MDN1: variants seen among roughly 807,000 people sequenced by gnomAD.
MDN1 encodes the protein midasin AAA ATPase 1, also known as midasin.
A neutral mutation model predicts 669.2 loss-of-function variants in MDN1; 266 were observed. That is an observed-to-expected ratio of 0.40 (90% CI 0.36 to 0.44). MDN1 has a LOEUF of 0.44. Ranked by LOEUF, MDN1 falls within the 20% of genes least tolerant of loss-of-function variation. MDN1 has a pLI of 1.00. For synonymous variants in MDN1, 2,385 were observed against 2,457.1 expected (o/e 0.97, Z 0.87); for missense variants, 5,940 against 6,754.0 (o/e 0.88, Z 4.22).
chr6:89,703,222 G>A (rs1051013581), intron 53 of MDN1, among the ~76,000 whole-genome samples: 3 of 152,140 alleles, frequency 2.0e-5, no homozygotes, highest in African/African-American at 4.8e-5. Context: ...ATAGGCATGA[G>A]CCACTGTGCC....
chr6:89,675,365 G>C, intron 78 of MDN1, 99 bp downstream of exon 78: 1 of 958,294 alleles, frequency 1.0e-6, no homozygotes, highest in Non-Finnish European at 1.6e-6. Flanking sequence ...TCACAATTGA[G>C]AGCATGTCTT....
rs574974464 is a variant in MDN1, at chr6:89,762,589, A to T, written c.2145-59T>A. 11 of 1,299,782 alleles carry T rather than the reference A, an allele frequency of 8.5e-6. No individual in the cohort carries two copies. In the South Asian group the frequency reaches 1.5e-4, roughly 18 times the overall value. 80.5% of individuals were successfully genotyped at this position (1,299,782 alleles called of 1,614,324 possible). On this transcript the variant is annotated intron_variant, in intron 15 of 101. Coordinates refer to ENST00000369393, the MANE Select transcript of MDN1 (RefSeq NM_014611.3). The stretch of plus-strand genomic sequence containing the variant: ...CTTCTGAAGTTAACAGAAGTTAGAA[A>T]GCATGGCTCAGAAAACAGGAGTAGG...
In MDN1 at chr6:89,793,928, T is replaced by G; in HGVS notation, c.689A>C (p.Asp230Ala). Residue 230 changes from aspartate (D) to alanine (A), a missense_variant, in exon 5 of 102, where the codon GAC (aspartate) becomes GCC (alanine). Coordinates refer to ENST00000369393, the MANE Select transcript of MDN1 (RefSeq NM_014611.3). The part of the protein sequence containing the change: ...LRLLEEAQLQ[D>A]LEKALVLANP... ...GGCCAAAACCAAGGCCTTCTCCAAGTCCTGCAACTGGGCCTCTTCTAATAA... is the reference window on the plus strand; with the variant it reads ...GGCCAAAACCAAGGCCTTCTCCAAGGCCTGCAACTGGGCCTCTTCTAATAA... 1 of 1,613,606 alleles carries G rather than the reference T, an allele frequency of 6.2e-7. No individual in the cohort carries two copies. Among genetic ancestry groups the G allele is most frequent in the South Asian group, 1.1e-5 (1 of 91,070 alleles).
chr6:89,789,182 G>A (rs1056620919), intron 7 of MDN1, among the ~76,000 whole-genome samples: 4 of 151,938 alleles, frequency 2.6e-5, no homozygotes, highest in Non-Finnish European at 5.9e-5. Context: ...CTGTCCAAAG[G>A]AAGAATATTT....
chr6:89,686,907 T>C lies in MDN1; in HGVS notation c.11567A>G (p.Gln3856Arg). Residue 3856 changes from glutamine to arginine, a missense_variant, in exon 69 of 102, where the codon CAG becomes CGG. Coordinates refer to ENST00000369393, the MANE Select transcript of MDN1 (RefSeq NM_014611.3). ...AATGTACTGCTAGGCATTACCTTCC[T>C]GTTCTTCTGTTTGTTCCTGCATGTG... The part of the protein sequence containing the change: ...EKHMQEQTEE[Q>R]EDDKQMTLML... 4 of 1,613,940 alleles carry C rather than the reference T, an allele frequency of 2.5e-6. No individual in the cohort carries two copies. The highest frequency in any genetic ancestry group is 3.4e-6 in the Non-Finnish European group (4 of 1,179,968).
In MDN1 at chr6:89,790,314, G is replaced by A. The variant is rs1819186887; in HGVS notation, c.943C>T (p.Leu315=). The A allele has an allele frequency of 6.2e-7, 1 of 1,614,086 alleles. No homozygotes were observed. The highest frequency in any genetic ancestry group is 1.3e-5 in the African/African-American group (1 of 75,008). ...TTCTGAGAAGCAACCGCCATAGCCA[G>A]GGTCTGAAGACTTTTGCAGACAGAC... is the stretch of plus-strand genomic sequence containing the variant. ...VESVCKSLQT[L]AMAVASQNAV... The change falls in exon 6 of 102, where the codon CTG becomes TTG. Residue 315 remains leucine, a synonymous_variant. Transcript: ENST00000369393.
Position 89,692,875 on chromosome 6 carries a change from C to G in MDN1, c.10155G>C (p.Arg3385=). Residue 3385 remains arginine (R), a synonymous_variant, in exon 63 of 102, where the codon CGG becomes CGC. Transcript: ENST00000369393. The part of the protein sequence containing the change: ...WQQSHHQFRK[R]LSEEYTFYPD... ...GATAGAAGGTGTACTCCTCTGACAG[C>G]CGCTTCCGGAACTGGTGGTGTGACT... 6.2e-7 allele frequency: 1 copy of G among 1,614,230 alleles called. No homozygotes were observed. The highest frequency in any genetic ancestry group is 8.5e-7 in the Non-Finnish European group (1 of 1,180,040).
intron 11 of MDN1, among the ~76,000 whole-genome samples, chr6:89,778,147 C>T (rs1818444821): frequency 1.3e-5 from 2 of 150,592 alleles, no homozygotes; most frequent in Non-Finnish European, 1.5e-5. Flanking sequence ...TATTTTTGTC[C>T]TGACAGTTGA....
At chr6:89,712,015 A>G in intron 49 of MDN1, 21 bp downstream of exon 49, 1 of 1,590,096 alleles carries the variant, frequency 6.3e-7, no homozygotes, top group South Asian at 1.1e-5. Flanking sequence ...ATCAGTGGAC[A>G]AATTAAGCTG....
intron 34 of MDN1, among the ~76,000 whole-genome samples, chr6:89,732,144 A>C (rs1055597820): frequency 6.6e-6 from 1 of 152,132 alleles, no homozygotes; most frequent in Non-Finnish European, 1.5e-5. Context: ...TGGCCAAAAA[A>C]ACACCCCTCT....
rs368335252 is a variant in MDN1 at position 89,723,529 on chromosome 6, C to T, written c.5761G>A (p.Val1921Ile). 6.3e-5 allele frequency: 99 copies of T among 1,573,836 alleles called. No individual in the cohort carries two copies. The highest frequency in any genetic ancestry group is 8.3e-5 in the Non-Finnish European group (96 of 1,151,400). ...GTACTTACTTGGTTATTGAAAGCAACCATTTTCTTAACAATATTTTTCTCA... is the reference window on the plus strand; with the variant it reads ...GTACTTACTTGGTTATTGAAAGCAATCATTTTCTTAACAATATTTTTCTCA... The part of the protein sequence containing the change: ...AIEKNIVKKM[V>I]AFNNQIDHEV... The change falls in exon 39 of 102, where the codon GTT becomes ATT. Residue 1921 changes from valine (V) to isoleucine (I), a missense_variant. Val to Ile is a conservative substitution (Grantham distance 29, BLOSUM62 3). Transcript: ENST00000369393.
intron 36 of MDN1, 140 bp downstream of exon 36, chr6:89,728,791 T>C: frequency 3.3e-6 from 3 of 911,212 alleles, no homozygotes; most frequent in Non-Finnish European, 4.9e-6. Flanking sequence ...AGACTCTGTC[T>C]CAAAAAAACA....
intron 33 of MDN1, 26 bp downstream of exon 33, chr6:89,738,300 T>C (rs1562162317): frequency 1.2e-6 from 2 of 1,611,908 alleles, no homozygotes; most frequent in Non-Finnish European, 1.7e-6. Flanking sequence ...GACCCAATAC[T>C]ACCATCACCA....
chr6:89,799,475 G>C (rs1767490083), intron 2 of MDN1, among the ~76,000 whole-genome samples: 1 of 152,234 alleles, frequency 6.6e-6, no homozygotes. Flanking sequence ...CTAAGGTCAG[G>C]AGTTCAAGAC....
In MDN1 at chr6:89,695,497, A is replaced by G. The variant is rs1812673873; in HGVS notation, c.9771+108T>C. 5 of 1,382,904 alleles carry G rather than the reference A, an allele frequency of 3.6e-6. No homozygotes were observed. The Admixed American group carries it at 7.0e-5, about 19-fold the overall frequency. The allele number at this position is 1,382,904 out of a possible 1,614,324, so 85.7% of individuals were successfully genotyped here. On this transcript the variant is annotated intron_variant, in intron 61 of 101. Transcript: ENST00000369393. This position sits in a 1 kb window ranked among gnomAD's most constrained non-coding sequence, Gnocchi z 4.1. ...GTCATAAGGCAACTTATGCAATATC[A>G]TGCTTGTGATGATCTGAGCACCCAA...
intron 1 of MDN1, among the ~76,000 whole-genome samples, chr6:89,811,877 ACTTCT>A (rs1768440619): frequency 6.6e-6 from 1 of 152,046 alleles, no homozygotes; most frequent in Non-Finnish European, 1.5e-5. Context: ...GTATTTTCTC[ACTTCT>A]CTTAACATTC....
Position 89,688,737 on chromosome 6 carries a change from C to CA in MDN1, c.11094dup (p.Gly3699TrpfsTer12). 6.2e-7 allele frequency: 1 copy of CA among 1,614,124 alleles called. No homozygotes were observed. The highest frequency in any genetic ancestry group is 8.5e-7 in the Non-Finnish European group (1 of 1,180,020). On this transcript the variant is annotated frameshift_variant, in exon 66 of 102. Transcript: ENST00000369393. LOFTEE classifies it high-confidence loss of function. Reference sequence around the variant, plus strand: ...ACCATCAGGTCTGAGGGTGCCTCCCCAAAAAGAGTGTTATGGGAGAGGGTA... The same window carrying CA: ...ACCATCAGGTCTGAGGGTGCCTCCCCAAAAAAGAGTGTTATGGGAGAGGGTA...
chr6:89,774,550 G>A, intron 13 of MDN1, 71 bp downstream of exon 13: 1 of 1,112,772 alleles, frequency 9.0e-7, no homozygotes, highest in Non-Finnish European at 1.4e-6. Context: ...AAAGACAAGA[G>A]GCTGAGCTAG....
intron 74 of MDN1, among the ~76,000 whole-genome samples, chr6:89,679,167 C>T (rs919866039): frequency 2.6e-5 from 4 of 152,174 alleles, no homozygotes; most frequent in African/African-American, 4.8e-5. Context: ...GCTAGTACAT[C>T]GTAAATTCTC....
Sources: gnomAD v4.1 joint callset for allele counts (sites outside exome capture counted in the v4.1 genomes callset) on GRCh38, gnomAD v4.1.1 for gene constraint, Gnocchi (gnomAD v3.1) non-coding constraint, MANE v1.5 for transcripts, NCBI Gene and HGNC (gene_info 2026-07-23, HGNC 2026-07-21) for gene names.